The following RELL1 variants were observed in gnomAD, a reference collection of about 807,000 sequenced individuals.
The protein encoded by RELL1 is RELT like 1, also known as RELT-like protein 1.
In RELL1, 10 loss-of-function variants were observed where a neutral mutation model predicts 23.0. The ratio of observed to expected loss-of-function variants is 0.43; its 90% CI spans 0.27 to 0.74. The LOEUF (loss-of-function observed/expected upper bound fraction) is 0.74, where lower values mean the gene tolerates loss of function less well. RELL1 is among the 30% of genes least tolerant of loss of function. The pLI is 0.19. For synonymous variants in RELL1, 146 were observed against 146.8 expected (o/e 0.99, Z 0.04); for missense variants, 315 against 364.4 (o/e 0.86, Z 1.10).
At position 37,612,636 on chromosome 4, in the gene RELL1, C is replaced by CAA. The variant is rs978165271; in HGVS notation, c.*708_*709dup. The stretch of plus-strand genomic sequence containing the variant: ...TAGGGGACACAGCGAGACTCTGCCT[C>CAA]AAAAAAAAAAAAAAAAAAACCTTCT... On this transcript the variant is annotated 3_prime_UTR_variant, in exon 7 of 7. Coordinates refer to ENST00000454158, the MANE Select transcript of RELL1 (RefSeq NM_001085400.2). Among the ~76,000 whole-genome samples, 245 of 60,060 alleles carry CAA rather than the reference C, an allele frequency of 4.1e-3. No homozygotes were observed. Among genetic ancestry groups the CAA allele is most frequent in the African/African-American group, 0.011 (195 of 17,988 alleles). The allele number at this position is 60,060 out of a possible 152,430, so 39.4% of individuals were successfully genotyped here. A position where few individuals can be genotyped will look rare whatever the true frequency, so the allele number is the denominator to read the frequency against.
intron 1 of RELL1, among the ~76,000 whole-genome samples, chr4:37,674,166 T>C (rs1253582025): frequency 6.6e-6 from 1 of 152,220 alleles, no homozygotes; most frequent in Non-Finnish European, 1.5e-5. Context: ...TACTATACTA[T>C]AGTGATTTGT....
At chr4:37,630,871 G>C (rs1720105911) in intron 6 of RELL1, among the ~76,000 whole-genome samples, 1 of 151,730 alleles carries the variant, frequency 6.6e-6, no homozygotes, top group African/African-American at 2.4e-5. Flanking sequence ...GTTTGCTCCA[G>C]ACTTTTTCAA....
chr4:37,638,804 C>T (rs192036735), intron 3 of RELL1, among the ~76,000 whole-genome samples: 68 of 152,280 alleles, frequency 4.5e-4, no homozygotes, highest in African/African-American at 1.5e-3. Flanking sequence ...AAGAAACCAC[C>T]CCCTCACCCC....
intron 6 of RELL1, among the ~76,000 whole-genome samples, chr4:37,630,808 G>A (rs1236592744): frequency 3.3e-5 from 5 of 152,056 alleles, no homozygotes; most frequent in Admixed American, 3.3e-4. Flanking sequence ...TTTCAGAACT[G>A]TGACACAAAG....
downstream of RELL1, among the ~76,000 whole-genome samples, chr4:37,605,789 GAA>G (rs749092857): frequency 0.045 from 3,440 of 76,844 alleles, 71 homozygotes; most frequent in Middle Eastern, 0.077. Flanking sequence ...GAGAGAGAAA[GAA>G]AGAGAAAGAA....
chr4:37,656,197 G>A (rs1721110911), intron 1 of RELL1, among the ~76,000 whole-genome samples: 1 of 152,216 alleles, frequency 6.6e-6, no homozygotes, highest in Admixed American at 6.5e-5. Flanking sequence ...CCTGCCAAAT[G>A]TGACAACATG....
chr4:37,681,628 G>A (rs370417847), intron 1 of RELL1, among the ~76,000 whole-genome samples: 28 of 147,076 alleles, frequency 1.9e-4, no homozygotes, highest in African/African-American at 6.3e-4. Context: ...TCCCAGGTTC[G>A]AGTGATTCTC....
chr4:37,608,966 T>C (rs1053147753), downstream of RELL1, among the ~76,000 whole-genome samples: 4 of 152,196 alleles, frequency 2.6e-5, no homozygotes, highest in Non-Finnish European at 5.9e-5. Flanking sequence ...CCATTGCCAT[T>C]ATACAGAAGT....
At chr4:37,603,532 G>A (rs1186724972) in intron 6 of RELL1, among the ~76,000 whole-genome samples, 3 of 152,162 alleles carry the variant, frequency 2.0e-5, no homozygotes, top group Non-Finnish European at 4.4e-5. Flanking sequence ...GTGATACTAT[G>A]CACTAAATCG....
chr4:37,631,462 C>A lies in RELL1; in HGVS notation c.742G>T (p.Val248Phe). Residue 248 changes from valine (V) to phenylalanine (F), a missense_variant, in exon 6 of 7, where the codon GTT becomes TTT. Val to Phe is a conservative substitution (Grantham distance 50). Transcript: ENST00000454158. ...CCATTGACGGTTTCAGCCCCACTAA[C>A]AGACATCAGGCTTCTCCGTTCCTTC... ...NQKERRSLMS[V>F]SGAETVNGEV... 16 of 1,614,188 alleles carry A rather than the reference C, an allele frequency of 9.9e-6. No individual in the cohort carries two copies. Among genetic ancestry groups the A allele is most frequent in the Non-Finnish European group, 1.4e-5 (16 of 1,180,018 alleles).
chr4:37,586,956 C>T (rs553900428), downstream of RELL1, among the ~76,000 whole-genome samples: 45 of 152,184 alleles, frequency 3.0e-4, 1 homozygote, highest in South Asian at 9.4e-3. Flanking sequence ...TTATTCTCTC[C>T]CAGTTCTAGA....
rs1722353222 is a variant in RELL1 at position 37,685,020 on chromosome 4, G to A, written c.88+1180C>T. Among the ~76,000 whole-genome samples the A allele has an allele frequency of 2.0e-5, 3 of 152,132 alleles. No individual in the cohort carries two copies. In the South Asian group the frequency reaches 6.2e-4, roughly 32 times the overall value. ...CATGTCACTAGCTGCCATTTCCCCA[G>A]GTGGATGGCTAACGGAAATACGGGC... On this transcript the variant is annotated intron_variant, in intron 1 of 6. Transcript: ENST00000454158.
chr4:37,637,216 C>T (rs1720361607), intron 4 of RELL1, among the ~76,000 whole-genome samples: 1 of 152,200 alleles, frequency 6.6e-6, no homozygotes, highest in African/African-American at 2.4e-5. Context: ...GAAATCAGAG[C>T]TCTTCTGTCT....
chr4:37,606,360 A>G (rs949462773), downstream of RELL1, among the ~76,000 whole-genome samples: 4 of 152,178 alleles, frequency 2.6e-5, no homozygotes, highest in African/African-American at 9.7e-5. The surrounding 1 kb of genome is among the most constrained non-coding windows in gnomAD (Gnocchi z 4.1). Flanking sequence ...CACTGCAGCC[A>G]GGATCCACCA....
At chr4:37,586,493 C>T (rs548002869), downstream of RELL1, among the ~76,000 whole-genome samples, 2 of 152,254 alleles carry the variant, frequency 1.3e-5, no homozygotes, top group African/African-American at 4.8e-5. Flanking sequence ...CTTCTACATT[C>T]CATGAGTCCT....
chr4:37,655,597 C>T (rs1721090933), intron 1 of RELL1, among the ~76,000 whole-genome samples: 1 of 152,222 alleles, frequency 6.6e-6, no homozygotes, highest in African/African-American at 2.4e-5. Flanking sequence ...TTTGCTGACA[C>T]ATTCCTCTTG....
intron 5 of RELL1, among the ~76,000 whole-genome samples, 168 bp downstream of exon 5, chr4:37,634,719 C>T (rs11730085): frequency 0.29 from 43,820 of 152,140 alleles, 7,179 homozygotes; most frequent in Middle Eastern, 0.4. Context: ...TAGGATTCTT[C>T]TGTTGTTGGA....
intron 6 of RELL1, among the ~76,000 whole-genome samples, chr4:37,622,302 T>C (rs1375348403): frequency 1.3e-5 from 2 of 152,262 alleles, no homozygotes; most frequent in East Asian, 1.9e-4. Flanking sequence ...AGCATGTATA[T>C]GCACAGCATA....
At chr4:37,640,631 G>A (rs1403200171) in intron 3 of RELL1, among the ~76,000 whole-genome samples, 1 of 151,916 alleles carries the variant, frequency 6.6e-6, no homozygotes, top group African/African-American at 2.4e-5. Flanking sequence ...TCATCTTTAG[G>A]TTACTTATAA....
Sources: gnomAD v4.1 joint callset for allele counts (sites outside exome capture counted in the v4.1 genomes callset) on GRCh38, gnomAD v4.1.1 for gene constraint, Gnocchi (gnomAD v3.1) non-coding constraint, MANE v1.5 for transcripts, NCBI Gene and HGNC (gene_info 2026-07-23, HGNC 2026-07-21) for gene names.